Variants in RNF17 observed in about 807,000 individuals in gnomAD.
The protein encoded by RNF17 is spermatogenesis associated 23.
A neutral mutation model predicts 200.5 loss-of-function variants in RNF17; 31 were observed. That is an observed-to-expected ratio of 0.15 (90% CI 0.12 to 0.21). RNF17 has a LOEUF of 0.21. Ranked by LOEUF, RNF17 falls within the 10% of genes least tolerant of loss-of-function variation. RNF17 has a pLI of 1.00. For missense variants in RNF17, 1,628 were observed against 1,905.1 expected (o/e 0.85, Z 2.71); for synonymous variants, 606 against 637.8 (o/e 0.95, Z 0.75).
rs540294501 is a variant in RNF17, at chr13:24,837,453, A to G, written c.2483-4588A>G. On this transcript the variant is annotated intron_variant, in intron 18 of 35. Transcript: ENST00000255324. ...ACAGCGTATGGAAATTTCTAAGACC[A>G]TATGACCTCAATAAATTTAAGAAAA... 5.7e-4 allele frequency among the ~76,000 whole-genome samples: 87 copies of G among 152,266 alleles called. 1 individual carries two copies. Among genetic ancestry groups the G allele is most frequent in the Admixed American group, 1.8e-3 (27 of 15,282 alleles).
At chr13:24,816,514 A>T (rs1887427542) in intron 15 of RNF17, among the ~76,000 whole-genome samples, 1 of 152,104 alleles carries the variant, frequency 6.6e-6, no homozygotes. Context: ...CCCCCTTTAC[A>T]CATATTTTCT....
chr13:24,780,287 A>T (rs1008867734), intron 5 of RNF17, among the ~76,000 whole-genome samples: 21 of 152,328 alleles, frequency 1.4e-4, no homozygotes, highest in African/African-American at 4.8e-4. Context: ...GAAATACGAT[A>T]AAAGTAATAG....
At chr13:24,802,055 C>T (rs1344919127) in intron 13 of RNF17, among the ~76,000 whole-genome samples, 3 of 151,908 alleles carry the variant, frequency 2.0e-5, no homozygotes, top group Non-Finnish European at 2.9e-5. Context: ...GGCATGATCT[C>T]GGCTCACTGC....
At chr13:24,756,510 GT>G in the RNF17 span, among the ~76,000 whole-genome samples, 21 of 149,828 alleles carry the variant, frequency 1.4e-4, no homozygotes, top group East Asian at 3.9e-4. Flanking sequence ...ATTCTGTTGG[GT>G]TTTTTTTTTC....
intron 24 of RNF17, among the ~76,000 whole-genome samples, chr13:24,853,237 G>A (rs538281660): frequency 2.0e-5 from 3 of 152,176 alleles, no homozygotes; most frequent in African/African-American, 7.2e-5. Context: ...AAAAGTACAG[G>A]AGATGAGAAG....
At chr13:24,813,009 G>A (rs1886914762) in intron 15 of RNF17, among the ~76,000 whole-genome samples, 1 of 151,926 alleles carries the variant, frequency 6.6e-6, no homozygotes, top group African/African-American at 2.4e-5. Context: ...GTGTGAAATG[G>A]TATCACTTTG....
At chr13:24,882,213 G>GATACATCTATATAGATAGAT (rs1555294239), downstream of RNF17, 1 of 9,322 alleles carries the variant, frequency 1.1e-4, no homozygotes, top group South Asian at 1.9e-3. Flanking sequence ...TATATAGATA[G>GATACATCTATATAGATAGAT]ATATAGATAC....
At chr13:24,791,190 G>A (rs1267500790) in intron 9 of RNF17, among the ~76,000 whole-genome samples, 2 of 152,170 alleles carry the variant, frequency 1.3e-5, no homozygotes, top group Non-Finnish European at 2.9e-5. Flanking sequence ...GACAGTGAAG[G>A]CTGAAGGATC....
chr13:24,769,980 A>G (rs907836605), intron 2 of RNF17, among the ~76,000 whole-genome samples: 3 of 152,160 alleles, frequency 2.0e-5, no homozygotes, highest in African/African-American at 7.2e-5. Flanking sequence ...ATTTTATTCA[A>G]CGATAGGATT....
intron 15 of RNF17, among the ~76,000 whole-genome samples, chr13:24,807,964 G>C: frequency 6.6e-6 from 1 of 151,722 alleles, no homozygotes; most frequent in East Asian, 1.9e-4. Context: ...GTAGATATGC[G>C]GCGTTATTTC....
chr13:24,828,161 T>C (rs1888957845), intron 16 of RNF17, among the ~76,000 whole-genome samples: 3 of 152,236 alleles, frequency 2.0e-5, no homozygotes, highest in African/African-American at 4.8e-5. Flanking sequence ...GAAAATGTTA[T>C]CTATTTGGTG....
chr13:24,881,956 A>C (rs1427949544), downstream of RNF17, among the ~76,000 whole-genome samples: 9 of 27,734 alleles, frequency 3.2e-4, no homozygotes, highest in Non-Finnish European at 5.7e-4. Context: ...AGATATATAG[A>C]TACATCTAGA....
At chr13:24,770,796 A>C (rs1880549998) in intron 2 of RNF17, among the ~76,000 whole-genome samples, 1 of 152,158 alleles carries the variant, frequency 6.6e-6, no homozygotes, top group Non-Finnish European at 1.5e-5. Context: ...GAAAATAAGC[A>C]CTATAATTTT....
At chr13:24,829,043 C>A (rs1013293529) in intron 16 of RNF17, among the ~76,000 whole-genome samples, 1 of 152,104 alleles carries the variant, frequency 6.6e-6, no homozygotes, top group Admixed American at 6.5e-5. Context: ...GCCTCTGCCT[C>A]CCAAAGCACT....
intron 18 of RNF17, among the ~76,000 whole-genome samples, chr13:24,838,833 A>C (rs1461237098): frequency 6.6e-6 from 1 of 152,178 alleles, no homozygotes; most frequent in South Asian, 2.1e-4. Flanking sequence ...GCAGTCAAGC[A>C]AGAGAAGGAA....
intron 22 of RNF17, among the ~76,000 whole-genome samples, chr13:24,848,095 T>A (rs1891451366): frequency 6.6e-6 from 1 of 152,130 alleles, no homozygotes. Flanking sequence ...TTTCACTTAA[T>A]CCTAACAACA....
intron 15 of RNF17, among the ~76,000 whole-genome samples, chr13:24,820,929 T>C (rs1596860): frequency 0.23 from 35,057 of 152,204 alleles, 4,523 homozygotes; most frequent in Non-Finnish European, 0.29. Context: ...CTTAGTTCCC[T>C]GGAGCTGGTG....
At chr13:24,849,125 G>C (rs1339746280) in intron 22 of RNF17, among the ~76,000 whole-genome samples, 3 of 152,084 alleles carry the variant, frequency 2.0e-5, no homozygotes, top group Non-Finnish European at 4.4e-5. Context: ...ATGAGTTCAA[G>C]TCCAGCCTGG....
rs780062332 is a variant in RNF17, at chr13:24,862,782, A to G, written c.3964A>G (p.Ile1322Val). ...QQLLSKRQVD[I>V]HIMELPKNPW... ...ACTGCTTTCAAAGAGACAGGTGGACATTCACATTATGGTAATTTAAAGTAT... is the reference window on the plus strand; with the variant it reads ...ACTGCTTTCAAAGAGACAGGTGGACGTTCACATTATGGTAATTTAAAGTAT... Residue 1322 changes from isoleucine (I) to valine (V), a missense_variant, in exon 28 of 36, where the codon ATT (isoleucine) becomes GTT (valine). Physicochemically the swap from Ile to Val is conservative, Grantham distance 29. Transcript: ENST00000255324. The G allele has an allele frequency of 6.3e-7, 1 of 1,579,408 alleles. No individual in the cohort carries two copies. The highest frequency in any genetic ancestry group is 8.7e-7 in the Non-Finnish European group (1 of 1,148,792).
Sources: allele counts gnomAD v4.1 joint callset (sites outside exome capture counted in the v4.1 genomes callset), GRCh38; gene constraint gnomAD v4.1.1; transcripts MANE v1.5; gene names NCBI Gene and HGNC (gene_info 2026-07-23, HGNC 2026-07-21).